FAF1: variants seen among roughly 807,000 people sequenced by gnomAD.
FAF1 encodes the protein Fas associated factor 1, also known as FAS-associated factor 1.
FAF1 carries 25 observed loss-of-function variants against 92.5 expected under a neutral mutation model. That is an observed-to-expected ratio of 0.27 (90% CI 0.20 to 0.38). The LOEUF (loss-of-function observed/expected upper bound fraction) is 0.38. FAF1 is among the 10% of genes least tolerant of loss of function. FAF1 has a pLI of 1.00. For missense variants in FAF1, 636 were observed against 793.3 expected (o/e 0.80, Z 2.38); for synonymous variants, 234 against 273.2 (o/e 0.86, Z 1.42).
intron 1 of FAF1, among the ~76,000 whole-genome samples, chr1:50,953,400 A>AAAAT (rs1018810652): frequency 1.6e-4 from 25 of 151,620 alleles, no homozygotes; most frequent in African/African-American, 3.6e-4. Context: ...AAATACTATA[A>AAAAT]AAATAAATAA....
At chr1:50,957,434 C>G (rs938241901) in intron 1 of FAF1, among the ~76,000 whole-genome samples, 1 of 148,560 alleles carries the variant, frequency 6.7e-6, no homozygotes, top group Non-Finnish European at 1.5e-5. Context: ...TCGCTGCAAG[C>G]TCCGCCTCCC....
chr1:50,503,617 T>TA (rs780355888), intron 15 of FAF1, among the ~76,000 whole-genome samples: 3,607 of 128,476 alleles, frequency 0.028, 64 homozygotes, highest in African/African-American at 0.059. Context: ...CCTGTCTCTT[T>TA]AAAAAAAAAA....
chr1:50,495,312 TTTAA>T (rs1193467834), intron 15 of FAF1, among the ~76,000 whole-genome samples: 2 of 152,176 alleles, frequency 1.3e-5, no homozygotes, highest in East Asian at 3.8e-4. Flanking sequence ...TCTCCATGTG[TTTAA>T]TTGTTTTGAT....
chr1:50,701,954 T>G (rs1240642494), intron 7 of FAF1, among the ~76,000 whole-genome samples: 1 of 152,116 alleles, frequency 6.6e-6, no homozygotes, highest in Non-Finnish European at 1.5e-5. Flanking sequence ...CAATAGCTAT[T>G]CATCATGCTT....
At position 50,922,725 on chromosome 1, in the gene FAF1, A is replaced by G. The variant is rs111391875; in HGVS notation, c.45+37042T>C. 3.0e-3 allele frequency among the ~76,000 whole-genome samples: 451 copies of G among 149,444 alleles called. 4 individuals are homozygous for G. Among genetic ancestry groups the G allele is most frequent in the African/African-American group, 0.01 (425 of 40,752 alleles). ...CCCAGCTACTTGTGGGGGCTGAGGC[A>G]GGAGAATCACTTGAACCCAGGAGAT... is the stretch of plus-strand genomic sequence containing the variant. On this transcript the variant is annotated intron_variant, in intron 1 of 18. Transcript: ENST00000396153.
At chr1:50,492,836 T>C (rs1453288292) in intron 15 of FAF1, among the ~76,000 whole-genome samples, 2 of 152,328 alleles carry the variant, frequency 1.3e-5, no homozygotes, top group Admixed American at 6.5e-5. Context: ...ATACATCTTC[T>C]AGTTCCAATA....
intron 18 of FAF1, among the ~76,000 whole-genome samples, chr1:50,468,607 C>T (rs930017179): frequency 6.6e-6 from 1 of 152,024 alleles, no homozygotes; most frequent in Non-Finnish European, 1.5e-5. Context: ...TTACAGGCGC[C>T]TGCCACCGCG....
At chr1:50,845,129 A>G (rs1644287496) in intron 2 of FAF1, among the ~76,000 whole-genome samples, 1 of 152,200 alleles carries the variant, frequency 6.6e-6, no homozygotes, top group Admixed American at 6.5e-5. Context: ...TTAAGAAAAA[A>G]AAGAAAAATC....
At chr1:50,842,141 C>T (rs1644261275) in intron 2 of FAF1, among the ~76,000 whole-genome samples, 1 of 152,008 alleles carries the variant, frequency 6.6e-6, no homozygotes. Context: ...GAGTCATTAC[C>T]CTAAGCAGGA....
chr1:50,938,228 T>G (rs1424879522), intron 1 of FAF1, among the ~76,000 whole-genome samples: 1 of 152,174 alleles, frequency 6.6e-6, no homozygotes, highest in Non-Finnish European at 1.5e-5. Context: ...GACTCTACAG[T>G]TTCACACATT....
intron 8 of FAF1, among the ~76,000 whole-genome samples, chr1:50,625,340 T>C (rs1653450682): frequency 6.6e-6 from 1 of 152,208 alleles, no homozygotes; most frequent in Non-Finnish European, 1.5e-5. Context: ...TGTCAACAAA[T>C]ATTAAGTATC....
intron 1 of FAF1, among the ~76,000 whole-genome samples, chr1:50,890,702 T>A (rs995003762): frequency 1.3e-5 from 2 of 152,234 alleles, no homozygotes; most frequent in African/African-American, 4.8e-5. Context: ...CACTCTCTTC[T>A]GGCTTGTAGA....
chr1:50,780,590 T>G (rs1557524274), intron 4 of FAF1: 1 of 196,886 alleles, frequency 5.1e-6, no homozygotes, highest in Non-Finnish European at 1.0e-5. Flanking sequence ...TAGCAAAAAT[T>G]TACAGAATGT....
chr1:50,492,625 A>C (rs1470934314), intron 15 of FAF1, among the ~76,000 whole-genome samples: 1 of 152,202 alleles, frequency 6.6e-6, no homozygotes, highest in Non-Finnish European at 1.5e-5. Flanking sequence ...ACTAGAGTGT[A>C]GGTTCCCTTT....
intron 2 of FAF1, among the ~76,000 whole-genome samples, chr1:50,802,667 CAG>C (rs1557534952): frequency 6.6e-6 from 1 of 152,190 alleles, no homozygotes; most frequent in Non-Finnish European, 1.5e-5. Context: ...TGCAGGGTAA[CAG>C]AGAATATTCT....
intron 13 of FAF1, among the ~76,000 whole-genome samples, chr1:50,545,799 T>C (rs1413063317): frequency 1.3e-5 from 2 of 152,204 alleles, no homozygotes; most frequent in Admixed American, 1.3e-4. Flanking sequence ...TATAGATATA[T>C]TTTCATGTGG....
At chr1:50,837,442 G>C (rs1201073659) in intron 2 of FAF1, among the ~76,000 whole-genome samples, 2 of 152,070 alleles carry the variant, frequency 1.3e-5, no homozygotes, top group Non-Finnish European at 2.9e-5. Flanking sequence ...CGACGTGCCT[G>C]GTTGCTTCCT....
At chr1:50,923,633 A>G (rs1362011928) in intron 1 of FAF1, among the ~76,000 whole-genome samples, 9 of 152,184 alleles carry the variant, frequency 5.9e-5, no homozygotes, top group Admixed American at 5.9e-4. Context: ...AAAAAAAGAA[A>G]ACTACAGGTC....
chr1:50,574,383 G>T (rs922378676), intron 12 of FAF1, among the ~76,000 whole-genome samples: 4 of 152,210 alleles, frequency 2.6e-5, no homozygotes, highest in African/African-American at 7.2e-5. Context: ...AGGCAAGGAA[G>T]TAGGCAGTGT....
Sources: gnomAD v4.1 joint callset for allele counts (sites outside exome capture counted in the v4.1 genomes callset) on GRCh38, gnomAD v4.1.1 for gene constraint, MANE v1.5 for transcripts, NCBI Gene and HGNC (gene_info 2026-07-23, HGNC 2026-07-21) for gene names.